The following TATDN1 variants were observed in gnomAD, a reference collection of about 807,000 sequenced individuals.
TATDN1 encodes deoxyribonuclease TATDN1.
In TATDN1, 40 loss-of-function variants were observed where a neutral mutation model predicts 46.4. The ratio of observed to expected loss-of-function variants is 0.86; its 90% CI spans 0.67 to 1.12. The LOEUF is 1.12. Among genes scored for constraint, TATDN1 ranks in the 50% most tolerant of loss-of-function variants. The pLI, the probability that TATDN1 is intolerant of heterozygous loss-of-function variation, is 0.00. For missense variants in TATDN1, 326 were observed against 348.4 expected (o/e 0.94, Z 0.51); for synonymous variants, 95 against 105.6 (o/e 0.90, Z 0.62).
At position 124,504,071 on chromosome 8, in the gene TATDN1, C is replaced by T. The variant is rs113339122; in HGVS notation, c.593+200G>A. On this transcript the variant is annotated intron_variant, in intron 9 of 11. Coordinates refer to ENST00000276692, the MANE Select transcript of TATDN1 (RefSeq NM_032026.4). ...CATTATTAGAACATAATGTAGTAGT[C>T]TATAACTTTCGAGCTTTAACTTTTA... is the stretch of plus-strand genomic sequence containing the variant. 1.6e-3 allele frequency: 1,258 copies of T among 773,786 alleles called. 8 individuals carry two copies. Among genetic ancestry groups the T allele is most frequent in the African/African-American group, 0.015 (861 of 56,730 alleles). The allele number at this position is 773,786 out of a possible 1,614,324, so 47.9% of individuals were successfully genotyped here.
chr8:124,508,180 G>A (rs1818676696), intron 8 of TATDN1, among the ~76,000 whole-genome samples: 1 of 152,042 alleles, frequency 6.6e-6, no homozygotes, highest in Non-Finnish European at 1.5e-5. Flanking sequence ...TTCAGATTTT[G>A]GAATATCTGC....
chr8:124,515,917 T>G lies in TATDN1; in HGVS notation c.316A>C (p.Lys106Gln). 3.1e-6 allele frequency: 5 copies of G among 1,614,088 alleles called. No homozygotes were observed. Among genetic ancestry groups the G allele is most frequent in the Non-Finnish European group, 4.2e-6 (5 of 1,180,000 alleles). The change falls in exon 5 of 12, where the codon AAA (lysine) becomes CAA (glutamine). Residue 106 changes from lysine (K) to glutamine (Q), a missense_variant. Coordinates refer to ENST00000276692, the MANE Select transcript of TATDN1 (RefSeq NM_032026.4). Reference protein sequence around the residue: ...LLNLAENNKGKVVAIGECGLD... With the variant: ...LLNLAENNKGQVVAIGECGLD... Reference sequence around the variant, plus strand: ...CCGCATTCTCCTATTGCCACAACTTTCCCTTTATTGTTTTCAGCAAGATTT... The same window carrying G: ...CCGCATTCTCCTATTGCCACAACTTGCCCTTTATTGTTTTCAGCAAGATTT...
intron 9 of TATDN1, chr8:124,503,876 C>T: frequency 1.6e-6 from 2 of 1,285,746 alleles, no homozygotes; most frequent in African/African-American, 3.0e-5. Context: ...GTTTCTTTGA[C>T]TGCAGAGATG....
At chr8:124,525,145 T>G (rs901012497) in intron 1 of TATDN1, among the ~76,000 whole-genome samples, 3 of 152,022 alleles carry the variant, frequency 2.0e-5, no homozygotes, top group Admixed American at 2.0e-4. Context: ...ATCCTAATCT[T>G]TTTTTTATTT....
chr8:124,521,936 A>G (rs778658392), intron 3 of TATDN1: 1 of 380,584 alleles, frequency 2.6e-6, no homozygotes, highest in Non-Finnish European at 4.6e-6. Flanking sequence ...GCCATTTATC[A>G]TATATAAAAA....
At chr8:124,506,160 C>A (rs985977205) in intron 8 of TATDN1, among the ~76,000 whole-genome samples, 9 of 151,510 alleles carry the variant, frequency 5.9e-5, no homozygotes, top group Non-Finnish European at 8.8e-5. Flanking sequence ...CATGATGAAA[C>A]CCTGTCTCTA....
At chr8:124,518,319 T>G in intron 4 of TATDN1, among the ~76,000 whole-genome samples, 1 of 140,406 alleles carries the variant, frequency 7.1e-6, no homozygotes, top group African/African-American at 2.7e-5. Flanking sequence ...GGTCAGGAGA[T>G]CGAGACCATC....
At chr8:124,503,749 G>A in intron 9 of TATDN1, 1 of 432,034 alleles carries the variant, frequency 2.3e-6, no homozygotes, top group Non-Finnish European at 4.5e-6. Flanking sequence ...ACTGTACTGA[G>A]TGTGTGAAGT....
intron 8 of TATDN1, among the ~76,000 whole-genome samples, chr8:124,506,822 G>T (rs1434026091): frequency 1.3e-5 from 2 of 149,964 alleles, no homozygotes; most frequent in Non-Finnish European, 3.0e-5. Flanking sequence ...ATGTATATCT[G>T]AGCATTTTTC....
intron 1 of TATDN1, among the ~76,000 whole-genome samples, chr8:124,528,017 G>A (rs1053720829): frequency 1.7e-4 from 26 of 152,160 alleles, no homozygotes; most frequent in African/African-American, 6.3e-4. Context: ...TAAATGTTAA[G>A]AAAGAAAGTA....
intron 8 of TATDN1, 138 bp downstream of exon 8, chr8:124,508,336 T>A: frequency 1.5e-6 from 1 of 670,284 alleles, no homozygotes. Context: ...CAATGAATAA[T>A]CAGAAAGCAA....
At chr8:124,537,589 G>A (rs1012181090) in intron 1 of TATDN1, among the ~76,000 whole-genome samples, 2 of 152,168 alleles carry the variant, frequency 1.3e-5, no homozygotes, top group African/African-American at 2.4e-5. Flanking sequence ...CTACATGGAG[G>A]ATGGATTTAA....
At chr8:124,499,620 T>C (rs1013090714) in intron 9 of TATDN1, among the ~76,000 whole-genome samples, 1 of 152,008 alleles carries the variant, frequency 6.6e-6, no homozygotes, top group African/African-American at 2.4e-5. Flanking sequence ...CTCGGCTCTC[T>C]GCAAGCTCCG....
At chr8:124,522,269 G>T in intron 2 of TATDN1, 69 bp from the exon 3 acceptor site, 1 of 883,100 alleles carries the variant, frequency 1.1e-6, no homozygotes, top group South Asian at 1.5e-5. Context: ...TTTAGCTTCT[G>T]TGCAAATGGC....
Position 124,518,168 on chromosome 8 carries a change from C to T in TATDN1, c.202+650G>A, listed in dbSNP as rs1425574895. Among the ~76,000 whole-genome samples, 5 of 122,964 alleles carry T rather than the reference C, an allele frequency of 4.1e-5. No individual in the cohort carries two copies. The East Asian group carries it at 7.5e-4, about 18-fold the overall frequency. 80.7% of individuals were successfully genotyped at this position (122,964 alleles called of 152,430 possible). ...TGGCGCGCGCAGTGAGCCGAGATTG[C>T]GCCACTGCACTCTAGCCTGGGCGAC... On this transcript the variant is annotated intron_variant, in intron 4 of 11. Transcript: ENST00000276692.
chr8:124,531,624 AT>A (rs1264583993), intron 1 of TATDN1, among the ~76,000 whole-genome samples: 1 of 152,230 alleles, frequency 6.6e-6, no homozygotes, highest in African/African-American at 2.4e-5. Context: ...ATGAGAATAC[AT>A]CGTCAACCAT....
At chr8:124,500,458 G>A (rs1388679265) in intron 9 of TATDN1, among the ~76,000 whole-genome samples, 2 of 152,118 alleles carry the variant, frequency 1.3e-5, no homozygotes, top group African/African-American at 4.8e-5. Flanking sequence ...TGTAATCCAA[G>A]CACTCTGGGA....
intron 1 of TATDN1, among the ~76,000 whole-genome samples, chr8:124,528,585 G>A (rs868282650): frequency 1.8e-4 from 27 of 152,268 alleles, no homozygotes; most frequent in South Asian, 8.3e-4. Flanking sequence ...AGTACTACTT[G>A]AGCCAAGGAG....
chr8:124,501,670 CT>C (rs992411840), intron 9 of TATDN1, among the ~76,000 whole-genome samples: 1 of 151,420 alleles, frequency 6.6e-6, no homozygotes, highest in Non-Finnish European at 1.5e-5. Flanking sequence ...AAATATAGCA[CT>C]TTTTTTGGAA....
Sources: allele counts gnomAD v4.1 joint callset (sites outside exome capture counted in the v4.1 genomes callset), GRCh38; gene constraint gnomAD v4.1.1; transcripts MANE v1.5; gene names NCBI Gene and HGNC (gene_info 2026-07-23, HGNC 2026-07-21).